Variants in PRR11 observed in about 807,000 individuals in gnomAD.
PRR11 encodes the protein proline rich 11, also known as proline-rich protein 11.
In PRR11, 30 loss-of-function variants were observed where a neutral mutation model predicts 45.6. The observed-to-expected ratio is 0.66, with a 90% CI of 0.49 to 0.89. PRR11 has a LOEUF of 0.89. Ranked by LOEUF, PRR11 falls within the 40% of genes least tolerant of loss-of-function variation. The probability of loss-of-function intolerance (pLI) is 0.00; values close to 1 mark genes in which losing one functional copy is unlikely to be tolerated. For missense variants in PRR11, 373 were observed against 424.8 expected, an observed-to-expected ratio of 0.88 and a Z score of 1.07; for synonymous variants, 128 against 153.5, an observed-to-expected ratio of 0.83 and a Z score of 1.23.
At chr17:59,161,334 G>A (rs2046651362) in intron 1 of PRR11, among the ~76,000 whole-genome samples, 1 of 150,764 alleles carries the variant, frequency 6.6e-6, no homozygotes, top group Admixed American at 6.6e-5. Flanking sequence ...TTGAACTCGG[G>A]AGGCAGAGGT....
At chr17:59,201,434 G>A in intron 9 of PRR11, 129 bp from the exon 10 acceptor site, 2 of 878,558 alleles carry the variant, frequency 2.3e-6, no homozygotes, top group Non-Finnish European at 3.6e-6. Flanking sequence ...AGGGAAACTG[G>A]GAAAAGTGGT....
chr17:59,192,760 A>T (rs6503902), intron 4 of PRR11, among the ~76,000 whole-genome samples: 2 of 152,080 alleles, frequency 1.3e-5, no homozygotes, highest in African/African-American at 4.8e-5. Flanking sequence ...TAAAGACCCT[A>T]TCTCCAAATA....
At position 59,202,428 on chromosome 17, in the gene PRR11, T is replaced by C. The variant is rs1192354003; in HGVS notation, c.*797T>C. The C allele has an allele frequency of 6.6e-6, 1 of 152,112 alleles. No individual in the cohort carries two copies. The highest frequency in any genetic ancestry group is 6.6e-5 in the Admixed American group (1 of 15,252). 9.4% of individuals were successfully genotyped at this position (152,112 alleles called of 1,614,324 possible). ...TAAAAATACAAAAATCAGCCAGCTG[T>C]GGTGACACATGCCTATAGTCCCAGC... On this transcript the variant is annotated 3_prime_UTR_variant, in exon 10 of 10. Coordinates refer to ENST00000262293, the MANE Select transcript of PRR11 (RefSeq NM_018304.4).
intron 1 of PRR11, among the ~76,000 whole-genome samples, chr17:59,169,444 C>T (rs1045245746): frequency 3.3e-5 from 5 of 151,766 alleles, no homozygotes; most frequent in African/African-American, 4.8e-5. Context: ...CAGCCATTTT[C>T]GCTACTATAA....
intron 4 of PRR11, among the ~76,000 whole-genome samples, chr17:59,188,963 T>TAATAATA (rs2046827645): frequency 6.7e-6 from 1 of 149,016 alleles, no homozygotes; most frequent in African/African-American, 2.5e-5. Flanking sequence ...ATAATAATAA[T>TAATAATA]AATAATAATA....
In PRR11 at chr17:59,202,578, A is replaced by T. The variant is rs2046898135; in HGVS notation, c.*947A>T. On this transcript the variant is annotated 3_prime_UTR_variant, in exon 10 of 10. Transcript: ENST00000262293. The stretch of plus-strand genomic sequence containing the variant: ...ACCCCATCTCTAAAAATTAAAAAAA[A>T]AATTTAAATTAGAATATCATTTCTA... 6.6e-6 allele frequency: 1 copy of T among 152,176 alleles called. No individual in the cohort carries two copies. The highest frequency in any genetic ancestry group is 1.9e-4 in the East Asian group (1 of 5,194). 9.4% of individuals were successfully genotyped at this position (152,176 alleles called of 1,614,324 possible).
At position 59,203,554 on chromosome 17, in the gene PRR11, T is replaced by G. The variant is rs1468829362; in HGVS notation, c.*1923T>G. ...ATCCACATCTATATTTATAACACAT[T>G]TATGGATGAAAATTAAACAGGTGTC... On this transcript the variant is annotated 3_prime_UTR_variant, in exon 10 of 10. Transcript: ENST00000262293. The G allele has an allele frequency of 6.6e-6, 1 of 152,118 alleles. No individual in the cohort carries two copies. The highest frequency in any genetic ancestry group is 1.5e-5 in the Non-Finnish European group (1 of 68,040). 9.4% of individuals were successfully genotyped at this position (152,118 alleles called of 1,614,324 possible).
At chr17:59,172,193 T>C (rs1460872173) in intron 2 of PRR11, among the ~76,000 whole-genome samples, 1 of 152,190 alleles carries the variant, frequency 6.6e-6, no homozygotes, top group Non-Finnish European at 1.5e-5. Context: ...CTTCAAATGC[T>C]CTTGGACTGT....
chr17:59,197,938 A>C, intron 9 of PRR11, 149 bp downstream of exon 9: 1 of 658,888 alleles, frequency 1.5e-6, no homozygotes, highest in Non-Finnish European at 2.6e-6. Flanking sequence ...ACATGGTGAA[A>C]CTCTGTCTCT....
intron 2 of PRR11, among the ~76,000 whole-genome samples, chr17:59,173,406 G>T (rs1361450059): frequency 1.3e-5 from 2 of 152,200 alleles, no homozygotes; most frequent in Admixed American, 1.3e-4. Context: ...TCTTGCTACT[G>T]GTCACTCTTT....
At chr17:59,194,921 C>A in intron 6 of PRR11, 66 bp downstream of exon 6, 1 of 1,352,760 alleles carries the variant, frequency 7.4e-7, no homozygotes, top group Non-Finnish European at 1.0e-6. Flanking sequence ...TGCCTATAAT[C>A]CCAGCACTTT....
At chr17:59,190,020 T>C (rs2046833824) in intron 4 of PRR11, among the ~76,000 whole-genome samples, 1 of 152,046 alleles carries the variant, frequency 6.6e-6, no homozygotes, top group Non-Finnish European at 1.5e-5. Flanking sequence ...AGAATGAATG[T>C]GTGTGTGTAT....
At chr17:59,197,330 C>A (rs1327787335) in intron 7 of PRR11, among the ~76,000 whole-genome samples, 1 of 150,644 alleles carries the variant, frequency 6.6e-6, no homozygotes, top group Non-Finnish European at 1.5e-5. Context: ...TTGCTCACTG[C>A]AAGCTCTGCC....
intron 1 of PRR11, among the ~76,000 whole-genome samples, chr17:59,162,588 T>TA (rs1160616697): frequency 6.6e-6 from 1 of 152,184 alleles, no homozygotes; most frequent in Non-Finnish European, 1.5e-5. Flanking sequence ...GCAACACTAT[T>TA]AAGTCTTGTA....
chr17:59,166,793 AT>A (rs1599691776), intron 1 of PRR11, among the ~76,000 whole-genome samples: 1 of 151,854 alleles, frequency 6.6e-6, no homozygotes, highest in African/African-American at 2.4e-5. Context: ...ACAGATCCTA[AT>A]TTGCTGTTAG....
At chr17:59,196,060 C>T (rs1281116128) in intron 7 of PRR11, among the ~76,000 whole-genome samples, 1 of 144,730 alleles carries the variant, frequency 6.9e-6, no homozygotes, top group African/African-American at 2.6e-5. Context: ...TGTACTCCAG[C>T]CTGGACAACA....
intron 5 of PRR11, among the ~76,000 whole-genome samples, chr17:59,194,506 T>C (rs2046855551): frequency 6.6e-6 from 1 of 152,172 alleles, no homozygotes; most frequent in Non-Finnish European, 1.5e-5. Context: ...AGTCCATCTC[T>C]TATTTGTTAG....
intron 6 of PRR11, 101 bp downstream of exon 6, chr17:59,194,956 C>G: frequency 1.1e-6 from 1 of 906,874 alleles, no homozygotes; most frequent in South Asian, 1.7e-5. Flanking sequence ...GGAGGATCAC[C>G]TGAGCCCAGG....
Position 59,197,592 on chromosome 17 carries a change from C to G in PRR11, c.906C>G (p.Val302=), listed in dbSNP as rs140410241. 1.2e-6 allele frequency: 2 copies of G among 1,613,556 alleles called. No homozygotes were observed. Among genetic ancestry groups the G allele is most frequent in the African/African-American group, 1.3e-5 (1 of 74,894 alleles). ...QMDLRKLLRK[V]DVERSPGGTP... The stretch of plus-strand genomic sequence containing the variant: ...ATCTGCGGAAACTGCTTAGAAAAGT[C>G]GATGTAGAGAGGTAATACACTCTCA... The change falls in exon 8 of 10, where the codon GTC becomes GTG. Residue 302 remains valine (V), a synonymous_variant. Transcript: ENST00000262293.
Sources: allele counts gnomAD v4.1 joint callset (sites outside exome capture counted in the v4.1 genomes callset), GRCh38; gene constraint gnomAD v4.1.1; transcripts MANE v1.5; gene names NCBI Gene and HGNC (gene_info 2026-07-23, HGNC 2026-07-21).